The following DAB2IP variants were observed in gnomAD, a reference collection of about 807,000 sequenced individuals.
DAB2IP encodes DAB2 interacting protein.
A neutral mutation model predicts 107.2 loss-of-function variants in DAB2IP; 28 were observed. The ratio of observed to expected loss-of-function variants is 0.26; its 90% CI spans 0.19 to 0.36. The LOEUF (loss-of-function observed/expected upper bound fraction) is 0.36. DAB2IP is among the 10% of genes least tolerant of loss of function. The probability of loss-of-function intolerance (pLI) is 1.00; values close to 1 mark genes in which losing one functional copy is unlikely to be tolerated. For synonymous variants in DAB2IP, 755 were observed against 706.4 expected (o/e 1.07, Z -1.09); for missense variants, 1,400 against 1,644.7 (o/e 0.85, Z 2.57).
At chr9:121,765,216 CA>C (rs112286245) in intron 8 of DAB2IP, among the ~76,000 whole-genome samples, 3,850 of 152,336 alleles carry the variant, frequency 0.025, 154 homozygotes, top group African/African-American at 0.087. Flanking sequence ...CCCCCTCTTC[CA>C]GGGGGGCTGG....
At chr9:121,600,418 C>T (rs1312987917) in intron 1 of DAB2IP, among the ~76,000 whole-genome samples, 1 of 152,142 alleles carries the variant, frequency 6.6e-6, no homozygotes, top group African/African-American at 2.4e-5. Flanking sequence ...GAACAGGGAC[C>T]AACGCCACCT....
chr9:121,625,728 A>T (rs1831622345), intron 1 of DAB2IP, among the ~76,000 whole-genome samples: 1 of 150,566 alleles, frequency 6.6e-6, no homozygotes. Context: ...CACCACAGGC[A>T]GGGAGTCTGG....
At chr9:121,768,215 G>T (rs1198488793) in intron 9 of DAB2IP, among the ~76,000 whole-genome samples, 2 of 152,178 alleles carry the variant, frequency 1.3e-5, no homozygotes, top group African/African-American at 2.4e-5. Flanking sequence ...AACATTCCAG[G>T]TCCTGAGATA....
chr9:121,653,205 CTCCT>C, intron 1 of DAB2IP, among the ~76,000 whole-genome samples: 1 of 53,228 alleles, frequency 1.9e-5, no homozygotes, highest in Non-Finnish European at 5.3e-5. Context: ...GCCTTTAGTA[CTCCT>C]TGGAGGGAGT....
chr9:121,681,259 C>T (rs1828587735), intron 2 of DAB2IP, among the ~76,000 whole-genome samples: 1 of 152,196 alleles, frequency 6.6e-6, no homozygotes, highest in African/African-American at 2.4e-5. Flanking sequence ...CATTGCCCCA[C>T]ACCCCCCCAG....
chr9:121,690,020 G>A (rs953252415), intron 2 of DAB2IP, among the ~76,000 whole-genome samples: 3 of 152,210 alleles, frequency 2.0e-5, no homozygotes, highest in Admixed American at 6.5e-5. Flanking sequence ...TGCCCTTTCT[G>A]AACTTCTGTT....
intron 1 of DAB2IP, among the ~76,000 whole-genome samples, chr9:121,632,567 C>T (rs1831935507): frequency 6.6e-6 from 1 of 152,166 alleles, no homozygotes; most frequent in Admixed American, 6.5e-5. Flanking sequence ...CCAGCTTTCC[C>T]TTAGCAAGGC....
In DAB2IP at chr9:121,748,026, C is replaced by T. The variant is rs571529247; in HGVS notation, c.363-8987C>T. ...CGCCCTCTCGAATCCCTGGTCTCTC[C>T]GGAGCTTTGGCCCAAGTCACCCCAG... On this transcript the variant is annotated intron_variant, in intron 3 of 15. Coordinates refer to ENST00000408936, the Ensembl canonical transcript of DAB2IP. Among the ~76,000 whole-genome samples, 19 of 152,240 alleles carry T rather than the reference C, an allele frequency of 1.2e-4. No individual in the cohort carries two copies. The South Asian group carries it at 2.3e-3, about 18-fold the overall frequency.
At chr9:121,693,906 G>A (rs1217893971) in intron 2 of DAB2IP, among the ~76,000 whole-genome samples, 3 of 152,220 alleles carry the variant, frequency 2.0e-5, no homozygotes, top group East Asian at 1.9e-4. Flanking sequence ...CATTGGTGAC[G>A]TGGGGCTCCC....
Position 121,634,854 on chromosome 9 carries a change from C to T in DAB2IP, c.41-43824C>T, listed in dbSNP as rs368439138. The stretch of plus-strand genomic sequence containing the variant: ...AGGCTGGGAGGAAGCTGCTCTTCCA[C>T]TCCCACCCTCACCCCGTGGGCTCGG... On this transcript the variant is annotated intron_variant, in intron 1 of 16. Transcript: ENST00000259371. This position sits in a 1 kb window ranked among gnomAD's most constrained non-coding sequence, Gnocchi z 4.7. 8.9e-4 allele frequency among the ~76,000 whole-genome samples: 136 copies of T among 152,278 alleles called. No homozygotes were observed. Among genetic ancestry groups the T allele is most frequent in the African/African-American group, 3.2e-3 (133 of 41,550 alleles).
chr9:121,692,953 T>C (rs1349622299), intron 2 of DAB2IP, among the ~76,000 whole-genome samples: 1 of 152,222 alleles, frequency 6.6e-6, no homozygotes, highest in Non-Finnish European at 1.5e-5. Flanking sequence ...AGTGCCTAGC[T>C]TGGGGCGGCC....
In DAB2IP at chr9:121,772,888, C is replaced by T. The variant is rs1184815429; in HGVS notation, c.2360C>T (p.Ala787Val). Reference sequence around the variant, plus strand: ...GCTCAGCTGGTGGCCGGGTGGCCGGCCCGGGCAACCCCAGTGAACCTGGCA... The same window carrying T: ...GCTCAGCTGGTGGCCGGGTGGCCGGTCCGGGCAACCCCAGTGAACCTGGCA... The change falls in exon 12 of 16, where the codon GCC becomes GTC. Residue 787 changes from alanine to valine, a missense_variant. This residue lies in a region of DAB2IP where 600 missense variants were observed against 659.1 expected (regional missense o/e 0.91). Coordinates refer to ENST00000408936, the Ensembl canonical transcript of DAB2IP. This position sits in a 1 kb window ranked among gnomAD's most constrained non-coding sequence, Gnocchi z 4.7. 1 of 1,575,836 alleles carries T rather than the reference C, an allele frequency of 6.3e-7. No individual in the cohort carries two copies. Among genetic ancestry groups the T allele is most frequent in the Admixed American group, 1.7e-5 (1 of 57,422 alleles).
rs147553080 is a variant in DAB2IP, at chr9:121,776,284, G to T, written c.3207G>T (p.Thr1069=). ...CCCTGTTCAAGTGCCAGGAGGAGAC[G>T]ACGCAGAAGCTGGTGCTGGAGTACC... The change falls in exon 14 of 16, where the codon ACG becomes ACT. Residue 1069 remains threonine (T), a synonymous_variant. Coordinates refer to ENST00000408936, the Ensembl canonical transcript of DAB2IP. This position sits in a 1 kb window ranked among gnomAD's most constrained non-coding sequence, Gnocchi z 5.4. 1.3e-6 allele frequency: 2 copies of T among 1,581,446 alleles called. No individual in the cohort carries two copies. The highest frequency in any genetic ancestry group is 1.3e-5 in the African/African-American group (1 of 74,572).
chr9:121,627,548 ACT>A (rs1231527262), intron 1 of DAB2IP, among the ~76,000 whole-genome samples: 1 of 152,030 alleles, frequency 6.6e-6, no homozygotes, highest in Non-Finnish European at 1.5e-5. Flanking sequence ...TTGCCTACTC[ACT>A]CTCTGCAAAG....
At chr9:121,581,995 G>C (rs1170589137) in intron 1 of DAB2IP, among the ~76,000 whole-genome samples, 1 of 152,184 alleles carries the variant, frequency 6.6e-6, no homozygotes, top group Non-Finnish European at 1.5e-5. Context: ...TGGAACAAAA[G>C]AGCTTGTGTT....
intron 3 of DAB2IP, among the ~76,000 whole-genome samples, chr9:121,725,519 T>G (rs1213523591): frequency 6.6e-6 from 1 of 152,230 alleles, no homozygotes; most frequent in Non-Finnish European, 1.5e-5. Flanking sequence ...GTGTACGCTC[T>G]GCTGTGGGCA....
rs1335141594 is a variant in DAB2IP, at chr9:121,776,910, G to C, written c.3314+519G>C. On this transcript the variant is annotated intron_variant, in intron 14 of 15. Coordinates refer to ENST00000408936, the Ensembl canonical transcript of DAB2IP. This position sits in a 1 kb window ranked among gnomAD's most constrained non-coding sequence, Gnocchi z 5.4. ...AAGAGGAGTGGTTTGAGTGGGGAGG[G>C]AGAGGGGGATGGTGCCAGTCTGATA... Among the ~76,000 whole-genome samples the C allele has an allele frequency of 6.6e-6, 1 of 152,136 alleles. No homozygotes were observed. Among genetic ancestry groups the C allele is most frequent in the Admixed American group, 6.5e-5 (1 of 15,288 alleles).
chr9:121,756,831 G>A (rs984570164), intron 3 of DAB2IP, among the ~76,000 whole-genome samples, 182 bp from the exon 4 acceptor site: 1 of 152,204 alleles, frequency 6.6e-6, no homozygotes, highest in Non-Finnish European at 1.5e-5. Context: ...CAGTCGGGAG[G>A]AGGTTCCCAC....
At chr9:121,677,023 A>G (rs1254111578) in intron 1 of DAB2IP, among the ~76,000 whole-genome samples, 1 of 152,248 alleles carries the variant, frequency 6.6e-6, no homozygotes, top group Admixed American at 6.5e-5. Flanking sequence ...CATATTTTGA[A>G]AAACCCAGAT....
Sources: gnomAD v4.1 joint callset for allele counts (sites outside exome capture counted in the v4.1 genomes callset) on GRCh38, gnomAD v4.1.1 for gene constraint, gnomAD v4.1.1 regional missense constraint, Gnocchi (gnomAD v3.1) non-coding constraint, MANE v1.5 for transcripts, NCBI Gene and HGNC (gene_info 2026-07-23, HGNC 2026-07-21) for gene names.